Variants in ADAMTS17 observed in about 807,000 individuals in gnomAD.
ADAMTS17 encodes the protein A disintegrin and metalloproteinase with thrombospondin motifs 17.
ADAMTS17 carries 113 observed loss-of-function variants against 141.5 expected under a neutral mutation model. The ratio of observed to expected loss-of-function variants is 0.80; its 90% confidence interval spans 0.69 to 0.93. The LOEUF (loss-of-function observed/expected upper bound fraction) is 0.93, where lower values mean the gene tolerates loss of function less well. Ranked by LOEUF, ADAMTS17 falls within the 40% of genes least tolerant of loss-of-function variation. The pLI is 0.00. For missense variants in ADAMTS17, 1,659 were observed against 1,517.9 expected, an observed-to-expected ratio of 1.09 and a Z score of -1.54; for synonymous variants, 768 against 630.6, an observed-to-expected ratio of 1.22 and a Z score of -3.27.
rs376117514 is a variant in ADAMTS17 at position 100,298,519 on chromosome 15, A to G, written c.617-17118T>C. 3.5e-4 allele frequency among the ~76,000 whole-genome samples: 54 copies of G among 152,264 alleles called. No homozygotes were observed. In the East Asian group the frequency reaches 5.4e-3, roughly 15 times the overall value. ...AAAAACTCATCAGTCCCATAAACACACCCCAGATGGCAGAACCGTGTTGGG... is the reference window on the plus strand; with the variant it reads ...AAAAACTCATCAGTCCCATAAACACGCCCCAGATGGCAGAACCGTGTTGGG... On this transcript the variant is annotated intron_variant, in intron 3 of 21. Coordinates refer to ENST00000268070, the MANE Select transcript of ADAMTS17 (RefSeq NM_139057.4).
Position 99,997,688 on chromosome 15 carries a change from G to A in ADAMTS17, c.2592-99C>T. On this transcript the variant is annotated intron_variant, in intron 18 of 21. Coordinates refer to ENST00000268070, the MANE Select transcript of ADAMTS17 (RefSeq NM_139057.4). This position sits in a 1 kb window ranked among gnomAD's most constrained non-coding sequence, Gnocchi z 4.7. ...ATCCTGGAATTGCTGCCCTGTGGTG[G>A]GAGAGAGGGAGGCAGACTCAGGAAG... 6.9e-7 allele frequency: 1 copy of A among 1,458,292 alleles called. No individual in the cohort carries two copies. The allele number at this position is 1,458,292 out of a possible 1,614,324, so 90.3% of individuals were successfully genotyped here.
chr15:100,187,498 T>C (rs12442846), intron 8 of ADAMTS17, among the ~76,000 whole-genome samples: 18,494 of 152,172 alleles, frequency 0.12, 1,403 homozygotes, highest in East Asian at 0.3. Context: ...TCTCTGGACA[T>C]ATGATTCATG....
chr15:100,049,482 G>C (rs1047800982), intron 17 of ADAMTS17, among the ~76,000 whole-genome samples: 1 of 152,198 alleles, frequency 6.6e-6, no homozygotes, highest in African/African-American at 2.4e-5. Context: ...GCATCCTCTA[G>C]ACAGGCATTC....
intron 20 of ADAMTS17, among the ~76,000 whole-genome samples, chr15:99,991,069 TAGA>T (rs1381925083): frequency 6.6e-6 from 1 of 152,114 alleles, no homozygotes; most frequent in Non-Finnish European, 1.5e-5. Context: ...ATGAAAACCC[TAGA>T]AGAAAACCTA....
chr15:100,314,042 G>A lies in ADAMTS17; in HGVS notation c.616+16847C>T, dbSNP rs529251212. Among the ~76,000 whole-genome samples, 3 of 143,240 alleles carry A rather than the reference G, an allele frequency of 2.1e-5. No individual in the cohort carries two copies. In the East Asian group the frequency reaches 6.6e-4, roughly 31 times the overall value. 94.0% of individuals were successfully genotyped at this position (143,240 alleles called of 152,430 possible). A position where few individuals can be genotyped will look rare whatever the true frequency, so the allele number is the denominator to read the frequency against. ...AAACCACCCCAAACGTCACCATGAAGAAACGTCAGACAAAACCACCCCAAA... is the reference window on the plus strand; with the variant it reads ...AAACCACCCCAAACGTCACCATGAAAAAACGTCAGACAAAACCACCCCAAA... On this transcript the variant is annotated intron_variant, in intron 3 of 21. Transcript: ENST00000268070.
At chr15:100,323,084 C>CAAAAAAAA (rs60468549) in intron 3 of ADAMTS17, among the ~76,000 whole-genome samples, 5 of 107,464 alleles carry the variant, frequency 4.7e-5, no homozygotes, top group East Asian at 5.2e-4. Flanking sequence ...GACTCCGTCT[C>CAAAAAAAA]AAAAAAAAAA....
At chr15:100,163,028 ATATATATGTG>A (rs906982318) in intron 8 of ADAMTS17, among the ~76,000 whole-genome samples, 2 of 142,344 alleles carry the variant, frequency 1.4e-5, no homozygotes, top group African/African-American at 5.2e-5. Context: ...CTATATATGT[ATATATATGTG>A]TATATATAAC....
chr15:100,273,423 T>C (rs1370535000), intron 4 of ADAMTS17, among the ~76,000 whole-genome samples: 3 of 152,192 alleles, frequency 2.0e-5, no homozygotes, highest in Non-Finnish European at 2.9e-5. Flanking sequence ...GATTAAGTGT[T>C]GGTAGATTTT....
chr15:100,195,480 G>A (rs770358857), intron 8 of ADAMTS17, among the ~76,000 whole-genome samples: 4 of 152,036 alleles, frequency 2.6e-5, no homozygotes, highest in Non-Finnish European at 5.9e-5. Flanking sequence ...TATGTAAATG[G>A]AGCCTGTTCC....
At chr15:100,129,302 G>A (rs781654038) in intron 12 of ADAMTS17, 5 of 152,240 alleles carry the variant, frequency 3.3e-5, no homozygotes, top group Non-Finnish European at 5.9e-5. Flanking sequence ...GACAGGGAAG[G>A]GCAACTGGTA....
At chr15:100,090,580 A>T (rs775013989) in intron 15 of ADAMTS17, among the ~76,000 whole-genome samples, 3 of 152,158 alleles carry the variant, frequency 2.0e-5, no homozygotes, top group African/African-American at 7.2e-5. Flanking sequence ...CCCCTGGTGG[A>T]GGTGCTGATG....
intron 18 of ADAMTS17, among the ~76,000 whole-genome samples, chr15:100,031,009 G>C (rs529978040): frequency 6.6e-6 from 1 of 152,290 alleles, no homozygotes; most frequent in Admixed American, 6.5e-5. Flanking sequence ...TGGCGTTCAC[G>C]GAGTGCTGAC....
At chr15:100,080,512 C>T (rs545605030) in intron 15 of ADAMTS17, among the ~76,000 whole-genome samples, 30 of 152,206 alleles carry the variant, frequency 2.0e-4, no homozygotes, top group Admixed American at 1.8e-3. Flanking sequence ...ACAAATGACC[C>T]AGACCATTCA....
At position 100,222,424 on chromosome 15, in the gene ADAMTS17, C is replaced by T. The variant is rs1001101882; in HGVS notation, c.1076-23001G>A. Among the ~76,000 whole-genome samples, 5 of 152,158 alleles carry T rather than the reference C, an allele frequency of 3.3e-5. No homozygotes were observed. The East Asian group carries it at 5.8e-4, about 18-fold the overall frequency. On this transcript the variant is annotated intron_variant, in intron 7 of 21. Transcript: ENST00000268070. ...TCAAATAAGCGTGGCTTTGTTCTGC[C>T]GCATCTTCTGAAAACCCGGGCAGCC...
intron 20 of ADAMTS17, among the ~76,000 whole-genome samples, chr15:99,981,619 A>G (rs2141286660): frequency 6.6e-6 from 1 of 152,340 alleles, no homozygotes; most frequent in South Asian, 2.1e-4. Context: ...AAGACAAGTT[A>G]CAAAGTGGCA....
chr15:100,310,572 G>T (rs1596494468), intron 3 of ADAMTS17, among the ~76,000 whole-genome samples: 1 of 152,320 alleles, frequency 6.6e-6, no homozygotes, highest in East Asian at 1.9e-4. Flanking sequence ...ACAGGGTGCA[G>T]TGTGGACACC....
At chr15:100,327,584 A>G (rs2045936434) in intron 3 of ADAMTS17, among the ~76,000 whole-genome samples, 2 of 152,258 alleles carry the variant, frequency 1.3e-5, no homozygotes, top group South Asian at 4.1e-4. Context: ...ACTTAAGAGT[A>G]TGAAAATGCT....
At chr15:100,284,013 G>C (rs1313264621) in intron 3 of ADAMTS17, among the ~76,000 whole-genome samples, 1 of 152,182 alleles carries the variant, frequency 6.6e-6, no homozygotes, top group Non-Finnish European at 1.5e-5. Flanking sequence ...GGCGAGGCAG[G>C]ATAATTGCTT....
chr15:100,061,708 G>C (rs1345565352), intron 15 of ADAMTS17, among the ~76,000 whole-genome samples: 1 of 152,250 alleles, frequency 6.6e-6, no homozygotes, highest in Non-Finnish European at 1.5e-5. Context: ...AGCCATGCTG[G>C]GAAATCTCAG....
Sources: gnomAD v4.1 joint callset for allele counts (sites outside exome capture counted in the v4.1 genomes callset) on GRCh38, gnomAD v4.1.1 for gene constraint, Gnocchi (gnomAD v3.1) non-coding constraint, MANE v1.5 for transcripts, NCBI Gene and HGNC (gene_info 2026-07-23, HGNC 2026-07-21) for gene names.